The following ERBB4 variants were observed in gnomAD, a reference collection of about 807,000 sequenced individuals.
ERBB4 encodes erb-b2 receptor tyrosine kinase 4, also known as receptor tyrosine-protein kinase erbB-4.
Under a neutral mutation model 158.0 loss-of-function variants are expected in ERBB4, and 42 were observed. The observed-to-expected ratio is 0.27, with a 90% CI of 0.21 to 0.34. ERBB4 has a LOEUF of 0.34. Among genes scored for constraint, ERBB4 ranks in the 10% least tolerant of loss-of-function variants. The pLI, the probability that ERBB4 is intolerant of heterozygous loss-of-function variation, is 1.00. For synonymous variants in ERBB4, 583 were observed against 558.7 expected, an observed-to-expected ratio of 1.04 and a Z score of -0.61; for missense variants, 1,333 against 1,624.1, an observed-to-expected ratio of 0.82 and a Z score of 3.08.
intron 1 of ERBB4, among the ~76,000 whole-genome samples, chr2:212,226,998 C>A (rs1365267058): frequency 6.6e-6 from 1 of 152,094 alleles, no homozygotes; most frequent in Non-Finnish European, 1.5e-5. Flanking sequence ...GTAATCCTAG[C>A]ACTCTAGAAG....
chr2:212,360,222 T>C (rs2089633359), intron 1 of ERBB4, among the ~76,000 whole-genome samples: 1 of 151,694 alleles, frequency 6.6e-6, no homozygotes, highest in Non-Finnish European at 1.5e-5. Flanking sequence ...TATCAGAGAA[T>C]CTTAGAGGTT....
At chr2:212,426,242 T>C (rs534474258) in intron 1 of ERBB4, 2 of 492,554 alleles carry the variant, frequency 4.1e-6, no homozygotes, top group South Asian at 3.1e-5. Context: ...ACTTTTTACG[T>C]GCATTTATTT....
chr2:211,913,357 T>C (rs1280406436), intron 3 of ERBB4, among the ~76,000 whole-genome samples: 1 of 152,090 alleles, frequency 6.6e-6, no homozygotes, highest in African/African-American at 2.4e-5. Flanking sequence ...CCAAGCACTT[T>C]GGGAGGCTGA....
intron 1 of ERBB4, among the ~76,000 whole-genome samples, chr2:212,262,233 G>C (rs932795320): frequency 2.0e-5 from 3 of 152,190 alleles, no homozygotes; most frequent in East Asian, 1.9e-4. Flanking sequence ...CCTATTATCG[G>C]TTATTTTGTG....
chr2:212,434,325 A>T (rs2092091378), intron 1 of ERBB4, among the ~76,000 whole-genome samples: 1 of 151,976 alleles, frequency 6.6e-6, no homozygotes, highest in Non-Finnish European at 1.5e-5. Context: ...CCAGAGATAC[A>T]GTCAAGTGAA....
chr2:212,320,673 T>TA (rs199715500), intron 1 of ERBB4, among the ~76,000 whole-genome samples: 35 of 148,262 alleles, frequency 2.4e-4, no homozygotes, highest in Admixed American at 1.2e-3. Flanking sequence ...AAGCCAGGGC[T>TA]AAAAAAAAAC....
intron 1 of ERBB4, among the ~76,000 whole-genome samples, chr2:212,137,484 A>G (rs1421402356): frequency 1.3e-5 from 2 of 152,104 alleles, no homozygotes; most frequent in Admixed American, 6.6e-5. Context: ...AGCTTCATCC[A>G]TGTCTCTGCC....
intron 3 of ERBB4, among the ~76,000 whole-genome samples, chr2:211,823,772 G>A (rs946287436): frequency 2.0e-5 from 3 of 151,970 alleles, no homozygotes; most frequent in Admixed American, 1.3e-4. Flanking sequence ...TTTGTCCTCT[G>A]ATAAGGTCAG....
chr2:211,516,365 A>AG (rs2066033632), intron 20 of ERBB4, among the ~76,000 whole-genome samples: 1 of 136,912 alleles, frequency 7.3e-6, no homozygotes, highest in African/African-American at 2.7e-5. Flanking sequence ...ACGGAGTCTC[A>AG]CTCTGTTGCC....
chr2:212,338,255 A>AT (rs1378692529), intron 1 of ERBB4, among the ~76,000 whole-genome samples: 1 of 152,058 alleles, frequency 6.6e-6, no homozygotes, highest in Non-Finnish European at 1.5e-5. Flanking sequence ...TCTAGCAGAC[A>AT]TGATACTCTT....
Position 211,560,262 on chromosome 2 carries a change from C to CTTT in ERBB4, c.2487+1638_2487+1640dup, listed in dbSNP as rs769707072. On this transcript the variant is annotated intron_variant, in intron 20 of 27. Coordinates refer to ENST00000342788, the MANE Select transcript of ERBB4 (RefSeq NM_005235.3). ...CAGCACTAACAAATTTGAAGCTTAGCTTTTTTTTTTTTTTTTTTTTTTTTT... is the reference window on the plus strand; with the variant it reads ...CAGCACTAACAAATTTGAAGCTTAGCTTTTTTTTTTTTTTTTTTTTTTTTTTTT... Among the ~76,000 whole-genome samples the CTTT allele has an allele frequency of 9.1e-4, 42 of 46,314 alleles. 11 individuals are homozygous for CTTT. Among genetic ancestry groups the CTTT allele is most frequent in the Admixed American group, 2.5e-3 (10 of 3,978 alleles). The allele number at this position is 46,314 out of a possible 152,430, so 30.4% of individuals were successfully genotyped here. A position where few individuals can be genotyped will look rare whatever the true frequency, so the allele number is the denominator to read the frequency against.
At position 212,418,832 on chromosome 2, in the gene ERBB4, G is replaced by A. The variant is rs564574684; in HGVS notation, c.82+119617C>T. 4.0e-5 allele frequency among the ~76,000 whole-genome samples: 6 copies of A among 151,836 alleles called. No individual in the cohort carries two copies. In the South Asian group the frequency reaches 6.2e-4, roughly 16 times the overall value. On this transcript the variant is annotated intron_variant, in intron 1 of 27. Coordinates refer to ENST00000342788, the MANE Select transcript of ERBB4 (RefSeq NM_005235.3). ...ACTAGATTTTAATGTAAGGCAAGATGTATCTGGAAAATAGGTGTTTCTGAA... is the reference window on the plus strand; with the variant it reads ...ACTAGATTTTAATGTAAGGCAAGATATATCTGGAAAATAGGTGTTTCTGAA...
At chr2:211,391,896 C>A (rs1451143308) in intron 25 of ERBB4, among the ~76,000 whole-genome samples, 2 of 152,052 alleles carry the variant, frequency 1.3e-5, no homozygotes, top group Non-Finnish European at 2.9e-5. Context: ...GGCCTAATGC[C>A]TAGCTTCTAT....
chr2:211,610,412 A>C (rs1424700029), intron 19 of ERBB4, among the ~76,000 whole-genome samples: 1 of 152,152 alleles, frequency 6.6e-6, no homozygotes, highest in African/African-American at 2.4e-5. Flanking sequence ...TCATTAACAA[A>C]ACCATTGAGG....
intron 18 of ERBB4, among the ~76,000 whole-genome samples, chr2:211,621,078 G>C (rs531367219): frequency 6.6e-6 from 1 of 152,092 alleles, no homozygotes; most frequent in Non-Finnish European, 1.5e-5. Context: ...TTAAACCACT[G>C]CCCTCCACCC....
intron 1 of ERBB4, among the ~76,000 whole-genome samples, chr2:212,266,663 A>G (rs1487748866): frequency 3.3e-5 from 5 of 152,026 alleles, no homozygotes; most frequent in Admixed American, 3.3e-4. Context: ...CCTGAAAAGT[A>G]GAATTGGTGA....
intron 1 of ERBB4, among the ~76,000 whole-genome samples, chr2:212,504,568 G>A (rs1414791925): frequency 6.6e-6 from 1 of 151,936 alleles, no homozygotes; most frequent in Non-Finnish European, 1.5e-5. Context: ...ATGACCAATG[G>A]AACAAATAGA....
chr2:212,147,510 T>C (rs189298449), intron 1 of ERBB4, among the ~76,000 whole-genome samples: 48 of 152,224 alleles, frequency 3.2e-4, no homozygotes, highest in Non-Finnish European at 6.9e-4. Context: ...CAACTGTGGA[T>C]TTTTATATCC....
At chr2:212,414,315 G>A (rs1431925547) in intron 1 of ERBB4, among the ~76,000 whole-genome samples, 1 of 152,132 alleles carries the variant, frequency 6.6e-6, no homozygotes, top group Non-Finnish European at 1.5e-5. Flanking sequence ...CAAAATTTAT[G>A]TTTTCATTCT....
Sources: allele counts gnomAD v4.1 joint callset (sites outside exome capture counted in the v4.1 genomes callset), GRCh38; gene constraint gnomAD v4.1.1; transcripts MANE v1.5; gene names NCBI Gene and HGNC (gene_info 2026-07-23, HGNC 2026-07-21).